PLEKHH1: variants seen among roughly 807,000 people sequenced by gnomAD.
PLEKHH1 encodes pleckstrin homology, MyTH4 and FERM domain containing H1, also known as pleckstrin homology domain-containing family H member 1.
PLEKHH1 carries 104 observed loss-of-function variants against 160.0 expected under a neutral mutation model. The ratio of observed to expected loss-of-function variants is 0.65; its 90% CI spans 0.55 to 0.76. PLEKHH1 has a LOEUF of 0.76. Ranked by LOEUF, PLEKHH1 falls within the 30% of genes least tolerant of loss-of-function variation. The probability of loss-of-function intolerance (pLI) is 0.00; values close to 1 mark genes in which losing one functional copy is unlikely to be tolerated. For synonymous variants in PLEKHH1, 619 were observed against 678.4 expected (o/e 0.91, Z 1.36); for missense variants, 1,427 against 1,724.1 (o/e 0.83, Z 3.05).
At chr14:67,568,039 G>A (rs145458182) in intron 7 of PLEKHH1, among the ~76,000 whole-genome samples, 2 of 152,284 alleles carry the variant, frequency 1.3e-5, no homozygotes, top group African/African-American at 4.8e-5. Context: ...TCTGCATGGG[G>A]GTGCTGGAGT....
intron 22 of PLEKHH1, chr14:67,580,094 CA>C: frequency 3.8e-6 from 2 of 531,774 alleles, no homozygotes; most frequent in Non-Finnish European, 6.7e-6. Flanking sequence ...AAGATCGCTA[CA>C]CACCTACTTC....
chr14:67,574,979 T>C lies in PLEKHH1; in HGVS notation c.2089-413T>C, dbSNP rs1469651295. ...GGCTCTGCTTCTCGTTCAATCTGTTTATGTCATTCTCCTTCGCCCGTGTGC... is the reference window on the plus strand; with the variant it reads ...GGCTCTGCTTCTCGTTCAATCTGTTCATGTCATTCTCCTTCGCCCGTGTGC... On this transcript the variant is annotated intron_variant, in intron 14 of 28. Coordinates refer to ENST00000329153, the MANE Select transcript of PLEKHH1 (RefSeq NM_020715.3). This position sits in a 1 kb window ranked among gnomAD's most constrained non-coding sequence, Gnocchi z 4.2. Among the ~76,000 whole-genome samples the C allele has an allele frequency of 6.6e-6, 1 of 152,200 alleles. No individual in the cohort carries two copies. Among genetic ancestry groups the C allele is most frequent in the East Asian group, 1.9e-4 (1 of 5,198 alleles).
At chr14:67,561,851 C>G in intron 5 of PLEKHH1, 103 bp from the exon 6 acceptor site, 1 of 811,012 alleles carries the variant, frequency 1.2e-6, no homozygotes, top group Non-Finnish European at 1.9e-6. Context: ...GTCTGGCCAA[C>G]AGAGCAAGAC....
Position 67,589,367 on chromosome 14 carries a change from A to G in PLEKHH1, c.*2132A>G. ...ATGAGAGTCCCATGTCTGAAAACCAAAGTCCAATTTCTGTCTGGCCTTTTG... is the reference window on the plus strand; with the variant it reads ...ATGAGAGTCCCATGTCTGAAAACCAGAGTCCAATTTCTGTCTGGCCTTTTG... On this transcript the variant is annotated 3_prime_UTR_variant, in exon 29 of 29. Transcript: ENST00000329153. 1.0e-6 allele frequency: 1 copy of G among 984,722 alleles called. No individual in the cohort carries two copies. Among genetic ancestry groups the G allele is most frequent in the Non-Finnish European group, 1.2e-6 (1 of 829,328 alleles). 61.0% of individuals were successfully genotyped at this position (984,722 alleles called of 1,614,324 possible).
At chr14:67,580,855 C>A in intron 22 of PLEKHH1, 83 bp from the exon 23 acceptor site, 2 of 884,194 alleles carry the variant, frequency 2.3e-6, no homozygotes, top group Non-Finnish European at 3.8e-6. Flanking sequence ...TGCTCTTCTG[C>A]TCTGAGTCCA....
intron 1 of PLEKHH1, among the ~76,000 whole-genome samples, chr14:67,534,152 G>A (rs145097617): frequency 8.5e-5 from 13 of 152,274 alleles, no homozygotes; most frequent in African/African-American, 3.1e-4. Flanking sequence ...CAAACTGTTT[G>A]GACTGTCTTC....
At chr14:67,580,139 C>T in intron 22 of PLEKHH1, 4 of 394,040 alleles carry the variant, frequency 1.0e-5, no homozygotes, top group Non-Finnish European at 1.9e-5. Flanking sequence ...AGAAGAAAAG[C>T]CTCTTCTTGG....
intron 1 of PLEKHH1, among the ~76,000 whole-genome samples, chr14:67,540,611 G>A (rs935638846): frequency 6.8e-6 from 1 of 147,876 alleles, no homozygotes; most frequent in African/African-American, 2.5e-5. Flanking sequence ...GGCTGACAAA[G>A]TGAGACTCTC....
intron 1 of PLEKHH1, among the ~76,000 whole-genome samples, chr14:67,536,499 A>G (rs1280597676): frequency 6.6e-6 from 1 of 151,806 alleles, no homozygotes; most frequent in Non-Finnish European, 1.5e-5. Context: ...GAAACTGTGC[A>G]TATAACAGAA....
chr14:67,579,795 G>T lies in PLEKHH1; in HGVS notation c.3102G>T (p.Lys1034Asn), dbSNP rs199772470. 3.4e-5 allele frequency: 55 copies of T among 1,611,770 alleles called. No homozygotes were observed. In the Admixed American group the frequency reaches 6.0e-4, roughly 18 times the overall value. Residue 1034 changes from lysine to asparagine, a missense_variant, in exon 22 of 29, where the codon AAG (lysine) becomes AAT (asparagine). Lys to Asn is a moderately conservative substitution (Grantham distance 94). Around this residue, in one of 6 missense-constraint regions of PLEKHH1, gnomAD observed 436 missense variants for 607.5 expected, o/e 0.72. Transcript: ENST00000329153. ...TGAACCAGGAGATAGGCATGAGAAAGCCATCCCACTCTGGCTTTGCCCTCT... is the reference window on the plus strand; with the variant it reads ...TGAACCAGGAGATAGGCATGAGAAATCCATCCCACTCTGGCTTTGCCCTCT... ...QRLNQEIGMR[K>N]PSHSGFALFT...
chr14:67,589,281 T>C lies in PLEKHH1; in HGVS notation c.*2046T>C, dbSNP rs1418870067. 3.3e-6 allele frequency: 3 copies of C among 905,530 alleles called. No homozygotes were observed. The highest frequency in any genetic ancestry group is 2.3e-4 in the East Asian group (2 of 8,514). The allele number at this position is 905,530 out of a possible 1,614,324, so 56.1% of individuals were successfully genotyped here. On this transcript the variant is annotated 3_prime_UTR_variant, in exon 29 of 29. Coordinates refer to ENST00000329153, the MANE Select transcript of PLEKHH1 (RefSeq NM_020715.3). ...GGAACCCTTTAGTTTATTAATCTTATACAGAAGAAACTAACTTAGAAACAA... is the reference window on the plus strand; with the variant it reads ...GGAACCCTTTAGTTTATTAATCTTACACAGAAGAAACTAACTTAGAAACAA...
In PLEKHH1 at chr14:67,583,612, A is replaced by AT. The variant is rs1221472541; in HGVS notation, c.3427-124dup. The AT allele has an allele frequency of 8.1e-6, 5 of 620,112 alleles. No individual in the cohort carries two copies. In the Admixed American group the frequency reaches 1.0e-4, roughly 13 times the overall value. 38.4% of individuals were successfully genotyped at this position (620,112 alleles called of 1,614,324 possible). A position where few individuals can be genotyped will look rare whatever the true frequency, so the allele number is the denominator to read the frequency against. On this transcript the variant is annotated intron_variant, in intron 24 of 28. Coordinates refer to ENST00000329153, the MANE Select transcript of PLEKHH1 (RefSeq NM_020715.3). ...TTGAGATGAAGCGTTTTTCTAAAGT[A>AT]TTTTTCACAACCACTCGCACCCCAC...
At position 67,579,314 on chromosome 14, in the gene PLEKHH1, G is replaced by A; in HGVS notation, c.3027+3G>A. 1 of 1,509,062 alleles carries A rather than the reference G, an allele frequency of 6.6e-7. No homozygotes were observed. Among genetic ancestry groups the A allele is most frequent in the South Asian group, 1.3e-5 (1 of 74,682 alleles). The allele number at this position is 1,509,062 out of a possible 1,614,324, so 93.5% of individuals were successfully genotyped here. A position where few individuals can be genotyped will look rare whatever the true frequency, so the allele number is the denominator to read the frequency against. Reference sequence around the variant, plus strand: ...ACTTTACCAACGGGACTTACCATGTGAGGAGCTGGGCGTGCTCTTTGCCCC... The same window carrying A: ...ACTTTACCAACGGGACTTACCATGTAAGGAGCTGGGCGTGCTCTTTGCCCC... On this transcript the variant is annotated splice_donor_region_variant and intron_variant, in intron 21 of 28. Transcript: ENST00000329153.
chr14:67,570,281 T>C (rs372734884), intron 9 of PLEKHH1: 38 of 966,592 alleles, frequency 3.9e-5, no homozygotes, highest in East Asian at 1.1e-4. Flanking sequence ...CCTTTTCTCA[T>C]GTCTGCCTCA....
rs199794557 is a variant in PLEKHH1, at chr14:67,579,839, G to C, written c.3146G>C (p.Gly1049Ala). 595 of 1,606,474 alleles carry C rather than the reference G, an allele frequency of 3.7e-4. 2 individuals carry two copies. The highest frequency in any genetic ancestry group is 4.9e-4 in the Non-Finnish European group (577 of 1,176,700). Residue 1049 changes from glycine to alanine, a missense_variant, in exon 22 of 29, where the codon GGC becomes GCC. Coordinates refer to ENST00000329153, the MANE Select transcript of PLEKHH1 (RefSeq NM_020715.3). ...GCCCTCTTCACGGACGATCCCTCGG[G>C]CAGGGACCTGGAGCACTGCCTGCAG... ...GFALFTDDPS[G>A]RDLEHCLQGS...
intron 8 of PLEKHH1, 117 bp downstream of exon 8, chr14:67,569,333 C>A: frequency 1.5e-6 from 1 of 686,126 alleles, no homozygotes; most frequent in South Asian, 1.7e-5. Flanking sequence ...CTACCCTGTT[C>A]CCCTCCCCAG....
intron 7 of PLEKHH1, among the ~76,000 whole-genome samples, chr14:67,566,852 G>T (rs1031695431): frequency 6.6e-6 from 1 of 152,056 alleles, no homozygotes; most frequent in Non-Finnish European, 1.5e-5. Context: ...GAGACGAGGA[G>T]TTATTGTCTC....
At position 67,566,425 on chromosome 14, in the gene PLEKHH1, T is replaced by C. The variant is rs542029153; in HGVS notation, c.1264-2713T>C. On this transcript the variant is annotated intron_variant, in intron 7 of 28. Transcript: ENST00000329153. The stretch of plus-strand genomic sequence containing the variant: ...TGCTCACTTTGCCATTTTGCCAAAA[T>C]ACAGCCATTCACTGTGATAGCTTAA... Among the ~76,000 whole-genome samples, 4 of 152,186 alleles carry C rather than the reference T, an allele frequency of 2.6e-5. No individual in the cohort carries two copies. The East Asian group carries it at 7.7e-4, about 29-fold the overall frequency.
In PLEKHH1 at chr14:67,576,114, C is replaced by A; in HGVS notation, c.2352+109C>A. On this transcript the variant is annotated intron_variant, in intron 16 of 28. Transcript: ENST00000329153. The surrounding 1 kb of genome is among the most constrained non-coding windows in gnomAD (Gnocchi z 4.0). ...AAATTCAAATTTATTTCCTTTTGGACACTTTGGCAACTAATATTCTCTGAA... is the reference window on the plus strand; with the variant it reads ...AAATTCAAATTTATTTCCTTTTGGAAACTTTGGCAACTAATATTCTCTGAA... The A allele has an allele frequency of 1.2e-6, 1 of 850,642 alleles. No homozygotes were observed. Among genetic ancestry groups the A allele is most frequent in the Non-Finnish European group, 1.8e-6 (1 of 544,912 alleles). 52.7% of individuals were successfully genotyped at this position (850,642 alleles called of 1,614,324 possible).
Sources: allele counts gnomAD v4.1 joint callset (sites outside exome capture counted in the v4.1 genomes callset), GRCh38; gene constraint gnomAD v4.1.1; regional missense constraint gnomAD v4.1.1; non-coding constraint Gnocchi (gnomAD v3.1); transcripts MANE v1.5; gene names NCBI Gene and HGNC (gene_info 2026-07-23, HGNC 2026-07-21).